LRBA: variants seen among roughly 807,000 people sequenced by gnomAD.
LRBA encodes the protein lipopolysaccharide-responsive and beige-like anchor protein.
Under a neutral mutation model 330.0 loss-of-function variants are expected in LRBA, and 176 were observed. The observed-to-expected ratio is 0.53, with a 90% CI of 0.47 to 0.60. The LOEUF is 0.60. Among genes scored for constraint, LRBA ranks in the 20% least tolerant of loss-of-function variants. LRBA has a pLI of 0.00. For missense variants in LRBA, 3,259 were observed against 3,444.8 expected, an observed-to-expected ratio of 0.95 and a Z score of 1.35; for synonymous variants, 1,230 against 1,193.0, an observed-to-expected ratio of 1.03 and a Z score of -0.64.
intron 37 of LRBA, among the ~76,000 whole-genome samples, chr4:150,680,321 C>T (rs1300180724): frequency 6.6e-6 from 1 of 152,082 alleles, no homozygotes; most frequent in Admixed American, 6.5e-5. Flanking sequence ...CTTTCCTTTA[C>T]TTACCAATGC....
At position 150,447,172 on chromosome 4, in the gene LRBA, T is replaced by A. The variant is rs1464391156; in HGVS notation, c.6781-10308A>T. 2.0e-5 allele frequency among the ~76,000 whole-genome samples: 3 copies of A among 152,152 alleles called. No homozygotes were observed. In the East Asian group the frequency reaches 5.8e-4, roughly 29 times the overall value. On this transcript the variant is annotated intron_variant, in intron 44 of 56. Coordinates refer to ENST00000651943, the MANE Select transcript of LRBA (RefSeq NM_001364905.1). ...AAGTTACTACCTTCCCTTTATCAACTGGAAAAAAAATAACCTCATGTAACA... is the reference window on the plus strand; with the variant it reads ...AAGTTACTACCTTCCCTTTATCAACAGGAAAAAAAATAACCTCATGTAACA...
At chr4:150,785,564 G>A (rs1331292892) in intron 34 of LRBA, among the ~76,000 whole-genome samples, 1 of 152,178 alleles carries the variant, frequency 6.6e-6, no homozygotes, top group Non-Finnish European at 1.5e-5. Flanking sequence ...ACAGCTTGGA[G>A]GTTAAAAGCA....
chr4:150,545,780 T>C (rs946965170), intron 40 of LRBA, among the ~76,000 whole-genome samples: 19 of 152,222 alleles, frequency 1.2e-4, no homozygotes, highest in African/African-American at 3.6e-4. Flanking sequence ...AAGAAAACAA[T>C]TTCTTTTAAC....
chr4:150,422,304 T>C (rs982596573), intron 46 of LRBA, among the ~76,000 whole-genome samples: 2 of 152,114 alleles, frequency 1.3e-5, no homozygotes, highest in Admixed American at 1.3e-4. Flanking sequence ...CAAAGCCATG[T>C]TGGGAGCACA....
intron 52 of LRBA, among the ~76,000 whole-genome samples, 168 bp from the exon 53 acceptor site, chr4:150,302,960 GAAC>G (rs1192322911): frequency 6.6e-6 from 1 of 151,968 alleles, no homozygotes; most frequent in African/African-American, 2.4e-5. Flanking sequence ...ATGCTAACAA[GAAC>G]AACAAAAAAA....
chr4:150,786,368 C>G lies in LRBA; in HGVS notation c.5580+11713G>C, dbSNP rs376476363. ...AAGCTATTCTCCTGCCTCAGCCTCCCGAGCAGCTGGGACTACAGGCACCCG... is the reference window on the plus strand; with the variant it reads ...AAGCTATTCTCCTGCCTCAGCCTCCGGAGCAGCTGGGACTACAGGCACCCG... On this transcript the variant is annotated intron_variant, in intron 34 of 56. Coordinates refer to ENST00000651943, the MANE Select transcript of LRBA (RefSeq NM_001364905.1). 1.2e-3 allele frequency among the ~76,000 whole-genome samples: 187 copies of G among 151,916 alleles called. 3 individuals carry two copies. The highest frequency in any genetic ancestry group is 4.4e-3 in the African/African-American group (183 of 41,410).
chr4:150,676,801 C>T (rs1246814939), intron 37 of LRBA, among the ~76,000 whole-genome samples: 29 of 152,042 alleles, frequency 1.9e-4, no homozygotes, highest in Admixed American at 1.9e-3. Context: ...AGTTCAAGCA[C>T]CCCCAAACTA....
intron 2 of LRBA, among the ~76,000 whole-genome samples, chr4:150,991,730 A>G (rs990735498): frequency 3.3e-5 from 5 of 152,158 alleles, no homozygotes; most frequent in African/African-American, 1.2e-4. Context: ...TCATATACCA[A>G]ATGTGATGGT....
chr4:150,632,234 GAA>G (rs33955499), intron 37 of LRBA, among the ~76,000 whole-genome samples: 175 of 136,942 alleles, frequency 1.3e-3, no homozygotes, highest in Middle Eastern at 3.8e-3. Flanking sequence ...CTGTCTCAAG[GAA>G]AAAAAAAAAA....
chr4:150,882,330 T>G (rs965751502), intron 17 of LRBA, among the ~76,000 whole-genome samples: 2 of 152,232 alleles, frequency 1.3e-5, no homozygotes, highest in African/African-American at 4.8e-5. Flanking sequence ...TAAATGGGCC[T>G]ATTTTGCTTT....
chr4:150,784,293 T>C (rs893283094), intron 34 of LRBA, among the ~76,000 whole-genome samples: 2 of 152,220 alleles, frequency 1.3e-5, no homozygotes, highest in Non-Finnish European at 2.9e-5. Context: ...GTTTTCATTT[T>C]TAAAGCTGCT....
chr4:150,959,607 C>A (rs1354807841), intron 2 of LRBA, among the ~76,000 whole-genome samples: 1 of 148,874 alleles, frequency 6.7e-6, no homozygotes, highest in Non-Finnish European at 1.5e-5. Context: ...TCCTTTAATT[C>A]ATAATATTTC....
At chr4:150,817,281 C>T (rs772034025) in intron 30 of LRBA, 24 bp from the exon 31 acceptor site, 1 of 1,606,214 alleles carries the variant, frequency 6.2e-7, no homozygotes, top group East Asian at 2.2e-5. Flanking sequence ...AGTAAACAGA[C>T]TGAAAGATAC....
rs547419694 is a variant in LRBA, at chr4:150,940,161, T to A, written c.217-11096A>T. On this transcript the variant is annotated intron_variant, in intron 2 of 56. Transcript: ENST00000651943. ...GCTTATGCCTGTAATCTCAGTACTT[T>A]GGGAGGCTGAGGCAGGAGGACTGCT... 1.1e-3 allele frequency among the ~76,000 whole-genome samples: 163 copies of A among 151,738 alleles called. 1 individual carries two copies. Among genetic ancestry groups the A allele is most frequent in the Admixed American group, 2.2e-3 (34 of 15,254 alleles).
chr4:150,293,708 G>A (rs1410442961), intron 53 of LRBA, among the ~76,000 whole-genome samples: 4 of 152,178 alleles, frequency 2.6e-5, no homozygotes, highest in Non-Finnish European at 5.9e-5. Context: ...CACCCTCTAA[G>A]ACTAAGGTTG....
chr4:150,487,776 T>C lies in LRBA; in HGVS notation c.6507A>G (p.Leu2169=). 2 of 1,598,942 alleles carry C rather than the reference T, an allele frequency of 1.3e-6. No individual in the cohort carries two copies. Among genetic ancestry groups the C allele is most frequent in the African/African-American group, 1.3e-5 (1 of 74,778 alleles). The stretch of plus-strand genomic sequence containing the variant: ...AACTTGTTCCAACGCCAACACGAGG[T>C]AGATAGTTAACCACTTTCTTTACTG... The part of the protein sequence containing the change: ...PATVKKVVNY[L]PRVGVGTSFG... Residue 2169 remains leucine, a synonymous_variant, in exon 42 of 57, where the codon CTA becomes CTG. Transcript: ENST00000651943.
intron 40 of LRBA, among the ~76,000 whole-genome samples, chr4:150,505,063 T>C (rs1012911942): frequency 1.2e-4 from 18 of 152,234 alleles, no homozygotes; most frequent in African/African-American, 3.6e-4. Context: ...CAGGAGCACC[T>C]AGATTCATAA....
chr4:150,844,847 C>T (rs1218582653), intron 26 of LRBA, 68 bp from the exon 27 acceptor site: 3 of 1,199,828 alleles, frequency 2.5e-6, no homozygotes, highest in Non-Finnish European at 3.7e-6. Flanking sequence ...AAGTGAAAAA[C>T]ATCAACTACA....
chr4:150,348,258 T>G (rs540328923), intron 48 of LRBA, among the ~76,000 whole-genome samples: 1 of 152,344 alleles, frequency 6.6e-6, no homozygotes, highest in East Asian at 1.9e-4. Context: ...TTGAGTGTAC[T>G]ACTTGTTAAC....
Sources: allele counts gnomAD v4.1 joint callset (sites outside exome capture counted in the v4.1 genomes callset), GRCh38; gene constraint gnomAD v4.1.1; transcripts MANE v1.5; gene names NCBI Gene and HGNC (gene_info 2026-07-23, HGNC 2026-07-21).